ANKRD12: variants seen among roughly 807,000 people sequenced by gnomAD.
ANKRD12 encodes ankyrin repeat domain 12.
A neutral mutation model predicts 183.4 loss-of-function variants in ANKRD12; 85 were observed. That is an observed-to-expected ratio of 0.46 (90% CI 0.39 to 0.56). The LOEUF is 0.56. Among genes scored for constraint, ANKRD12 ranks in the 20% least tolerant of loss-of-function variants. The probability of loss-of-function intolerance (pLI) is 0.00; values close to 1 mark genes in which losing one functional copy is unlikely to be tolerated. For synonymous variants in ANKRD12, 914 were observed against 800.2 expected, an observed-to-expected ratio of 1.14 and a Z score of -2.40; for missense variants, 2,405 against 2,357.1, an observed-to-expected ratio of 1.02 and a Z score of -0.42.
At chr18:9,251,923 A>G (rs2038320963) in intron 8 of ANKRD12, among the ~76,000 whole-genome samples, 1 of 152,250 alleles carries the variant, frequency 6.6e-6, no homozygotes, top group South Asian at 2.1e-4. Context: ...AATTGAGATG[A>G]TCAACATTAA....
chr18:9,247,051 C>T (rs955755181), intron 8 of ANKRD12, among the ~76,000 whole-genome samples: 3 of 152,154 alleles, frequency 2.0e-5, no homozygotes, highest in Admixed American at 6.5e-5. Context: ...GATTTAATTA[C>T]ACCTATTTTG....
chr18:9,221,707 A>G lies in ANKRD12; in HGVS notation c.796-145A>G, dbSNP rs778884341. ...TCAGTGAAAATGGATCTTGAAGAGA[A>G]TAACGATTTAGAGTAGATGGTGAGG... On this transcript the variant is annotated intron_variant, in intron 7 of 12. Transcript: ENST00000262126. 1,086 of 763,304 alleles carry G rather than the reference A, an allele frequency of 1.4e-3. 9 individuals carry two copies. Among genetic ancestry groups the G allele is most frequent in the Middle Eastern group, 1.4e-3 (4 of 2,944 alleles). The allele number at this position is 763,304 out of a possible 1,614,324, so 47.3% of individuals were successfully genotyped here. A position where few individuals can be genotyped will look rare whatever the true frequency, so the allele number is the denominator to read the frequency against.
chr18:9,147,152 T>A (rs566912628), intron 1 of ANKRD12, among the ~76,000 whole-genome samples: 1 of 152,330 alleles, frequency 6.6e-6, no homozygotes, highest in East Asian at 1.9e-4. Context: ...AAGCAGTGAT[T>A]ATTGTAAACT....
intron 8 of ANKRD12, among the ~76,000 whole-genome samples, chr18:9,243,622 A>G (rs923673995): frequency 6.6e-6 from 1 of 152,216 alleles, no homozygotes; most frequent in Non-Finnish European, 1.5e-5. Context: ...AGACCAAGAA[A>G]GTCCTTGGAA....
At position 9,255,949 on chromosome 18, in the gene ANKRD12, TA is replaced by T. The variant is rs1567974406; in HGVS notation, c.2689del (p.Thr897LeufsTer26). 1.3e-6 allele frequency: 2 copies of T among 1,577,332 alleles called. No individual in the cohort carries two copies. Among genetic ancestry groups the T allele is most frequent in the Non-Finnish European group, 1.7e-6 (2 of 1,169,574 alleles). On this transcript the variant is annotated frameshift_variant, in exon 9 of 13. Coordinates refer to ENST00000262126, the MANE Select transcript of ANKRD12 (RefSeq NM_015208.5). LOFTEE classifies it high-confidence loss of function. Reference sequence around the variant, plus strand: ...AGAAGAGCAAAAATACTGCTGCTATTAAAAAAACTGACGACAGAGAGAAAAG... The same window carrying T: ...AGAAGAGCAAAAATACTGCTGCTATTAAAAAACTGACGACAGAGAGAAAAG... ...GEKSKNTAAI[K>X]KTDDREKSRE...
intron 9 of ANKRD12, among the ~76,000 whole-genome samples, chr18:9,261,735 T>A (rs2038978296): frequency 6.6e-6 from 1 of 152,178 alleles, no homozygotes; most frequent in Admixed American, 6.5e-5. Context: ...CATCCTCTTT[T>A]GGGAATTACC....
At chr18:9,215,451 C>T (rs2036042991) in intron 6 of ANKRD12, among the ~76,000 whole-genome samples, 1 of 152,096 alleles carries the variant, frequency 6.6e-6, no homozygotes, top group South Asian at 2.1e-4. Flanking sequence ...AGGAAGGAGG[C>T]TGTCTTTTAG....
chr18:9,179,814 G>C (rs986682955), intron 1 of ANKRD12, among the ~76,000 whole-genome samples: 2 of 152,094 alleles, frequency 1.3e-5, no homozygotes, highest in Non-Finnish European at 2.9e-5. Flanking sequence ...TCCCATACTT[G>C]GCCTGGTTTA....
intron 10 of ANKRD12, among the ~76,000 whole-genome samples, chr18:9,267,791 T>G (rs545272297): frequency 0.013 from 1,980 of 147,576 alleles, 49 homozygotes; most frequent in African/African-American, 0.047. Flanking sequence ...CTGAAGGAAA[T>G]AGAGACACAA....
At chr18:9,219,996 C>T (rs977157504) in intron 7 of ANKRD12, among the ~76,000 whole-genome samples, 12 of 152,096 alleles carry the variant, frequency 7.9e-5, no homozygotes, top group African/African-American at 1.7e-4. Flanking sequence ...CTTTTAAAAT[C>T]GTAAGCATGT....
chr18:9,254,090 G>A lies in ANKRD12; in HGVS notation c.944-121G>A, dbSNP rs983371798. Reference sequence around the variant, plus strand: ...CATTATTTCCATATAAATCTGAAGTGATTATGAATTGTTTGAAATATGTAT... The same window carrying A: ...CATTATTTCCATATAAATCTGAAGTAATTATGAATTGTTTGAAATATGTAT... On this transcript the variant is annotated intron_variant, in intron 8 of 12. Coordinates refer to ENST00000262126, the MANE Select transcript of ANKRD12 (RefSeq NM_015208.5). 6.2e-6 allele frequency: 7 copies of A among 1,121,360 alleles called. No homozygotes were observed. In the African/African-American group the frequency reaches 1.1e-4, roughly 18 times the overall value. 69.5% of individuals were successfully genotyped at this position (1,121,360 alleles called of 1,614,324 possible). A position where few individuals can be genotyped will look rare whatever the true frequency, so the allele number is the denominator to read the frequency against.
chr18:9,247,379 TGAGGCAGGAGGATCGCA>T (rs1201149181), intron 8 of ANKRD12, among the ~76,000 whole-genome samples: 5 of 151,172 alleles, frequency 3.3e-5, no homozygotes, highest in Non-Finnish European at 7.4e-5. Flanking sequence ...CTTGAGAGGC[TGAGGCAGGAGGATCGCA>T]TGAGCCCAGG....
chr18:9,275,038 A>G (rs1955228671), intron 10 of ANKRD12, among the ~76,000 whole-genome samples: 1 of 152,000 alleles, frequency 6.6e-6, no homozygotes, highest in African/African-American at 2.4e-5. Context: ...AATTAAAATA[A>G]TAATTAGCCA....
chr18:9,173,274 T>C (rs547527712), intron 1 of ANKRD12, among the ~76,000 whole-genome samples: 9 of 152,182 alleles, frequency 5.9e-5, no homozygotes, highest in African/African-American at 2.2e-4. Context: ...TTCACAATGT[T>C]GGCCAGGCTG....
At chr18:9,170,456 T>C (rs1249926209) in intron 1 of ANKRD12, among the ~76,000 whole-genome samples, 1 of 152,218 alleles carries the variant, frequency 6.6e-6, no homozygotes, top group East Asian at 1.9e-4. Flanking sequence ...ATTTCATTCA[T>C]TTGATCTTCC....
At position 9,257,527 on chromosome 18, in the gene ANKRD12, G is replaced by A. The variant is rs1381664574; in HGVS notation, c.4260G>A (p.Glu1420=). The change falls in exon 9 of 13, where the codon GAG becomes GAA. Residue 1420 remains glutamate (E), a synonymous_variant. Transcript: ENST00000262126. ...QVGVIQNKSW[E]MPVDRLETLS... Reference sequence around the variant, plus strand: ...GTGTGATCCAGAATAAATCATGGGAGATGCCTGTTGATAGACTAGAGACAT... The same window carrying A: ...GTGTGATCCAGAATAAATCATGGGAAATGCCTGTTGATAGACTAGAGACAT... 3 of 1,613,998 alleles carry A rather than the reference G, an allele frequency of 1.9e-6. No homozygotes were observed. The highest frequency in any genetic ancestry group is 2.7e-5 in the African/African-American group (2 of 74,914).
chr18:9,266,990 G>T (rs12968449), intron 10 of ANKRD12, among the ~76,000 whole-genome samples: 21,176 of 151,128 alleles, frequency 0.14, 2,146 homozygotes, highest in Non-Finnish European at 0.21. Context: ...AAACAGACTT[G>T]AAACCAACAA....
chr18:9,198,294 A>G (rs1292815424), intron 3 of ANKRD12, among the ~76,000 whole-genome samples: 1 of 152,212 alleles, frequency 6.6e-6, no homozygotes, highest in Non-Finnish European at 1.5e-5. Context: ...AGAAAATACA[A>G]GTGGTTCAGA....
At chr18:9,153,085 C>T (rs2078736795) in intron 1 of ANKRD12, among the ~76,000 whole-genome samples, 1 of 152,202 alleles carries the variant, frequency 6.6e-6, no homozygotes, top group African/African-American at 2.4e-5. Flanking sequence ...CCTCCTACCT[C>T]AGCCTTCCAA....
Sources: allele counts gnomAD v4.1 joint callset (sites outside exome capture counted in the v4.1 genomes callset), GRCh38; gene constraint gnomAD v4.1.1; transcripts MANE v1.5; gene names NCBI Gene and HGNC (gene_info 2026-07-23, HGNC 2026-07-21).